Variants in TP73 observed in about 807,000 individuals in gnomAD.
TP73 encodes the protein tumor protein p73, also known as p53-like transcription factor.
A neutral mutation model predicts 62.5 loss-of-function variants in TP73; 25 were observed. The ratio of observed to expected loss-of-function variants is 0.40; its 90% CI spans 0.29 to 0.56. The LOEUF is 0.56. TP73 is among the 20% of genes least tolerant of loss of function. The pLI is 0.46. For missense variants in TP73, 754 were observed against 913.3 expected (o/e 0.83, Z 2.25); for synonymous variants, 423 against 377.5 (o/e 1.12, Z -1.40).
intron 1 of TP73, among the ~76,000 whole-genome samples, chr1:3,654,387 C>T (rs1644822706): frequency 6.6e-6 from 1 of 152,132 alleles, no homozygotes; most frequent in African/African-American, 2.4e-5. Flanking sequence ...TCTCCAAATC[C>T]CGAAGGCCAG....
chr1:3,671,985 A>G (rs1645251982), intron 1 of TP73, among the ~76,000 whole-genome samples: 1 of 152,150 alleles, frequency 6.6e-6, no homozygotes, highest in South Asian at 2.1e-4. Context: ...TCACTGAGTC[A>G]GGGCGGGACT....
At chr1:3,718,917 G>C (rs2124462365) in intron 4 of TP73, among the ~76,000 whole-genome samples, 1 of 152,234 alleles carries the variant, frequency 6.6e-6, no homozygotes, top group Non-Finnish European at 1.5e-5. Context: ...AGAATAACGA[G>C]GGCGCAGTAG....
chr1:3,690,926 C>T lies in TP73; in HGVS notation c.186+7746C>T, dbSNP rs758058039. The T allele has an allele frequency of 1.1e-5, 18 of 1,580,884 alleles. No individual in the cohort carries two copies. In the East Asian group the frequency reaches 1.4e-4, roughly 12 times the overall value. On this transcript the variant is annotated intron_variant, in intron 3 of 13. Transcript: ENST00000378295. ...CTACCATGCTGTACGTCGGTGACCC[C>T]GCACGGCACCTCGCCACGGTAGGTG...
At chr1:3,676,913 C>T (rs781279048) in intron 1 of TP73, among the ~76,000 whole-genome samples, 1 of 151,380 alleles carries the variant, frequency 6.6e-6, no homozygotes, top group Non-Finnish European at 1.5e-5. Flanking sequence ...AGCAGCATCC[C>T]TGTCTTGCAC....
intron 1 of TP73, among the ~76,000 whole-genome samples, chr1:3,673,294 C>T (rs1185468588): frequency 6.6e-6 from 1 of 152,190 alleles, no homozygotes; most frequent in Non-Finnish European, 1.5e-5. Context: ...CACCTTTCCG[C>T]CCCCGTGTGT....
chr1:3,733,211 C>A lies in TP73; in HGVS notation c.*132C>A. 8.9e-7 allele frequency: 1 copy of A among 1,127,098 alleles called. No homozygotes were observed. Among genetic ancestry groups the A allele is most frequent in the Non-Finnish European group, 1.2e-6 (1 of 816,448 alleles). The allele number at this position is 1,127,098 out of a possible 1,614,324, so 69.8% of individuals were successfully genotyped here. On this transcript the variant is annotated 3_prime_UTR_variant, in exon 14 of 14. Coordinates refer to ENST00000378295, the MANE Select transcript of TP73 (RefSeq NM_005427.4). ...TGCCCGGGGAAAGGCAAGGTCCGGCCCATCCCCAGGCACCTCACAGGCCCC... is the reference window on the plus strand; with the variant it reads ...TGCCCGGGGAAAGGCAAGGTCCGGCACATCCCCAGGCACCTCACAGGCCCC...
Position 3,684,614 on chromosome 1 carries a change from C to G in TP73, c.186+1434C>G, listed in dbSNP as rs376148355. Among the ~76,000 whole-genome samples the G allele has an allele frequency of 5.3e-5, 8 of 152,016 alleles. No homozygotes were observed. In the East Asian group the frequency reaches 1.4e-3, roughly 26 times the overall value. On this transcript the variant is annotated intron_variant, in intron 3 of 13. Transcript: ENST00000378295. ...GGTGGAGGGGCCGTGTTGCCTGTTC[C>G]GTCTCCATTGCGGATGCTGGGCTGG...
intron 3 of TP73, among the ~76,000 whole-genome samples, chr1:3,693,845 G>T (rs1638343073): frequency 1.6e-5 from 1 of 62,890 alleles, no homozygotes; most frequent in Non-Finnish European, 3.8e-5. Flanking sequence ...CAGCCATGCA[G>T]CCTCAGCTCC....
rs77768202 is a variant in TP73 at position 3,685,981 on chromosome 1, G to A, written c.186+2801G>A. 4.8e-3 allele frequency among the ~76,000 whole-genome samples: 732 copies of A among 152,332 alleles called. 8 individuals carry two copies. The highest frequency in any genetic ancestry group is 0.017 in the African/African-American group (687 of 41,578). On this transcript the variant is annotated intron_variant, in intron 3 of 13. Coordinates refer to ENST00000378295, the MANE Select transcript of TP73 (RefSeq NM_005427.4). ...GGGTCAGACAGGCGGTTCTAGTGCC[G>A]GATGTTTCCGGGGCTACCGATAGTC...
rs1287624690 is a variant in TP73 at position 3,690,984 on chromosome 1, T to C, written c.186+7804T>C. On this transcript the variant is annotated intron_variant, in intron 3 of 13. Transcript: ENST00000378295. ...CCATTCATAGGATCTCTTCGGGGAC[T>C]TTGCGGGGGATTTTGCTGCAGTGTA... 2.6e-6 allele frequency: 4 copies of C among 1,561,114 alleles called. No individual in the cohort carries two copies. The East Asian group carries it at 7.2e-5, about 28-fold the overall frequency.
chr1:3,676,952 G>A lies in TP73; in HGVS notation c.-33-5381G>A, dbSNP rs368402667. The stretch of plus-strand genomic sequence containing the variant: ...AGATTCCACAGCACCCTCTGACCCC[G>A]TGGAAAATGTCCCCACATGGGAATA... On this transcript the variant is annotated intron_variant, in intron 1 of 13. Coordinates refer to ENST00000378295, the MANE Select transcript of TP73 (RefSeq NM_005427.4). Among the ~76,000 whole-genome samples, 53 of 151,296 alleles carry A rather than the reference G, an allele frequency of 3.5e-4. 1 individual carries two copies. The highest frequency in any genetic ancestry group is 2.0e-3 in the Admixed American group (30 of 15,166).
chr1:3,685,294 G>A (rs1157833136), intron 3 of TP73, among the ~76,000 whole-genome samples: 1 of 152,182 alleles, frequency 6.6e-6, no homozygotes, highest in Admixed American at 6.5e-5. Context: ...CCATATCGGG[G>A]TCTGGTCCGA....
At chr1:3,689,034 C>T (rs553261069) in intron 3 of TP73, among the ~76,000 whole-genome samples, 31 of 152,252 alleles carry the variant, frequency 2.0e-4, no homozygotes, top group African/African-American at 7.0e-4. Context: ...GGGTCGGGAG[C>T]GGAACCCAGG....
intron 3 of TP73, chr1:3,690,923 C>A: frequency 1.3e-6 from 2 of 1,581,056 alleles, no homozygotes; most frequent in African/African-American, 1.3e-5. Context: ...ACGTCGGTGA[C>A]CCCGCACGGC....
Position 3,662,934 on chromosome 1 carries a change from A to G in TP73, c.-34+10293A>G, listed in dbSNP as rs1645029549. 6.6e-6 allele frequency among the ~76,000 whole-genome samples: 1 copy of G among 152,220 alleles called. No individual in the cohort carries two copies. Among genetic ancestry groups the G allele is most frequent in the East Asian group, 1.9e-4 (1 of 5,196 alleles). On this transcript the variant is annotated intron_variant, in intron 1 of 13. Transcript: ENST00000378295. The surrounding 1 kb of genome is among the most constrained non-coding windows in gnomAD (Gnocchi z 4.4). Reference sequence around the variant, plus strand: ...AGAGAAAAACGAAATTCTCTTTTATAAGAGAAACTTGTCTCTGGTCCCATG... The same window carrying G: ...AGAGAAAAACGAAATTCTCTTTTATGAGAGAAACTTGTCTCTGGTCCCATG...
intron 3 of TP73, among the ~76,000 whole-genome samples, chr1:3,688,455 G>C (rs1645720993): frequency 6.6e-6 from 1 of 152,198 alleles, no homozygotes; most frequent in Non-Finnish European, 1.5e-5. Context: ...GGTTCCTGAA[G>C]AGTGCCGTGG....
chr1:3,689,590 C>CGGGGGT (rs1645755166), intron 3 of TP73, among the ~76,000 whole-genome samples: 3 of 151,764 alleles, frequency 2.0e-5, no homozygotes, highest in Non-Finnish European at 4.4e-5. Context: ...CCCGCTCTCC[C>CGGGGGT]GGGGGTGGGG....
intron 1 of TP73, among the ~76,000 whole-genome samples, chr1:3,661,935 C>A (rs1020083410): frequency 6.7e-6 from 1 of 149,698 alleles, no homozygotes; most frequent in Non-Finnish European, 1.5e-5. Flanking sequence ...TGGTGCCCAC[C>A]TGTCTCCCAG....
rs549481203 is a variant in TP73 at position 3,699,561 on chromosome 1, A to G, written c.187-7988A>G. Among the ~76,000 whole-genome samples, 36 of 152,244 alleles carry G rather than the reference A, an allele frequency of 2.4e-4. No homozygotes were observed. The highest frequency in any genetic ancestry group is 3.5e-4 in the Non-Finnish European group (24 of 68,020). ...CCCGATGCCAGACTCCAGCCCTCAA[A>G]CATGCTGCCTTCTGGAAACGTCTGT... On this transcript the variant is annotated intron_variant, in intron 3 of 13. Transcript: ENST00000378295. This position sits in a 1 kb window ranked among gnomAD's most constrained non-coding sequence, Gnocchi z 4.1.
Sources: allele counts gnomAD v4.1 joint callset (sites outside exome capture counted in the v4.1 genomes callset), GRCh38; gene constraint gnomAD v4.1.1; non-coding constraint Gnocchi (gnomAD v3.1); transcripts MANE v1.5; gene names NCBI Gene and HGNC (gene_info 2026-07-23, HGNC 2026-07-21).